Variants in NAV3 observed in about 807,000 individuals in gnomAD.
NAV3 encodes pore membrane and/or filament interacting like protein 1.
In NAV3, 87 loss-of-function variants were observed where a neutral mutation model predicts 244.7. The ratio of observed to expected loss-of-function variants is 0.36; its 90% confidence interval spans 0.30 to 0.42. NAV3 has a LOEUF of 0.42. NAV3 is among the 20% of genes least tolerant of loss of function. The probability of loss-of-function intolerance (pLI) is 1.00; values close to 1 mark genes in which losing one functional copy is unlikely to be tolerated. For missense variants in NAV3, 2,663 were observed against 2,893.3 expected, an observed-to-expected ratio of 0.92 and a Z score of 1.83; for synonymous variants, 1,126 against 1,042.2, an observed-to-expected ratio of 1.08 and a Z score of -1.55.
chr12:77,737,178 A>G lies in NAV3; in HGVS notation c.72+164912A>G, dbSNP rs527759942. ...TTGATGTTTCTGTTGGTGTTCAGGT[A>G]GAACTATGTAGGAGTCAGATGGTTA... is the stretch of plus-strand genomic sequence containing the variant. On this transcript the variant is annotated intron_variant, in intron 2 of 8. Transcript: ENST00000550042. Among the ~76,000 whole-genome samples the G allele has an allele frequency of 1.0e-4, 15 of 150,426 alleles. No individual in the cohort carries two copies. The East Asian group carries it at 2.9e-3, about 29-fold the overall frequency.
At chr12:78,206,854 C>CTTTTTTTTTTTTTTTTTTTTTTTTA (rs10594185) in intron 39 of NAV3, among the ~76,000 whole-genome samples, 1 of 114,840 alleles carries the variant, frequency 8.7e-6, no homozygotes, top group Non-Finnish European at 1.8e-5. Context: ...TTCTTTCTTA[C>CTTTTTTTTTTTTTTTTTTTTTTTTA]TTTTTTTTTT....
chr12:77,689,189 C>T (rs1371572507), intron 2 of NAV3, among the ~76,000 whole-genome samples: 1 of 151,894 alleles, frequency 6.6e-6, no homozygotes, highest in Non-Finnish European at 1.5e-5. Flanking sequence ...TGCCTCTTTT[C>T]CAGAGCAAAA....
intron 2 of NAV3, among the ~76,000 whole-genome samples, chr12:77,575,522 G>C (rs1179908662): frequency 6.6e-6 from 1 of 152,066 alleles, no homozygotes; most frequent in Non-Finnish European, 1.5e-5. Context: ...TTGATAACAT[G>C]ACTTTTTGAC....
At chr12:78,146,091 TAG>T (rs1956851750) in intron 20 of NAV3, among the ~76,000 whole-genome samples, 2 of 152,132 alleles carry the variant, frequency 1.3e-5, no homozygotes, top group South Asian at 4.1e-4. Context: ...ATTTACATCT[TAG>T]AGTCTTTTAA....
At chr12:78,106,416 G>A (rs1449560531) in intron 12 of NAV3, among the ~76,000 whole-genome samples, 1 of 152,094 alleles carries the variant, frequency 6.6e-6, no homozygotes, top group Non-Finnish European at 1.5e-5. Context: ...ATAAATGAAA[G>A]AAGACCAATA....
chr12:77,974,569 A>T (rs561249400), intron 5 of NAV3, among the ~76,000 whole-genome samples: 1 of 152,076 alleles, frequency 6.6e-6, no homozygotes, highest in South Asian at 2.1e-4. Flanking sequence ...AAGTGCTGGG[A>T]TTATAGGCCT....
intron 9 of NAV3, among the ~76,000 whole-genome samples, chr12:78,049,156 C>T (rs910404866): frequency 6.6e-6 from 1 of 152,212 alleles, no homozygotes; most frequent in African/African-American, 2.4e-5. Flanking sequence ...TTGCTGGGCT[C>T]CACAGGGGTG....
intron 22 of NAV3, among the ~76,000 whole-genome samples, chr12:78,154,256 T>TAATATATAGTATATATTACTAG (rs1555182963): frequency 1.4e-4 from 18 of 128,414 alleles, no homozygotes; most frequent in South Asian, 4.5e-4. Flanking sequence ...TATATTACTA[T>TAATATATAGTATATATTACTAG]ATAATATATA....
At chr12:77,631,434 C>T (rs1871891863) in intron 2 of NAV3, among the ~76,000 whole-genome samples, 1 of 151,574 alleles carries the variant, frequency 6.6e-6, no homozygotes, top group East Asian at 1.9e-4. Context: ...GTAAAATGTC[C>T]CTGGAAAGCA....
At chr12:77,663,162 T>C (rs1873544593) in intron 2 of NAV3, among the ~76,000 whole-genome samples, 3 of 152,234 alleles carry the variant, frequency 2.0e-5, no homozygotes, top group Non-Finnish European at 4.4e-5. Context: ...ATCTCACACT[T>C]AACTAGGAGA....
At chr12:77,846,720 A>G (rs1367748749) in intron 1 of NAV3, among the ~76,000 whole-genome samples, 4 of 152,182 alleles carry the variant, frequency 2.6e-5, no homozygotes, top group Non-Finnish European at 5.9e-5. Context: ...TCAATTATCT[A>G]TTTCAGATTT....
rs188373256 is a variant in NAV3 at position 77,867,647 on chromosome 12, C to G, written c.243+35943C>G. On this transcript the variant is annotated intron_variant, in intron 1 of 39. Transcript: ENST00000397909. ...GTGTTAGCCAGGATGGTCTCGATCT[C>G]CTGACCTTGTCATCCACCAGCCTCG... Among the ~76,000 whole-genome samples, 161 of 152,236 alleles carry G rather than the reference C, an allele frequency of 1.1e-3. 1 individual carries two copies. The Middle Eastern group carries it at 0.021, about 19-fold the overall frequency.
At chr12:77,982,568 G>A (rs559555795) in intron 5 of NAV3, among the ~76,000 whole-genome samples, 7 of 152,170 alleles carry the variant, frequency 4.6e-5, no homozygotes, top group African/African-American at 7.2e-5. Flanking sequence ...ATTTGGCTGA[G>A]GAGAAAGTTA....
intron 12 of NAV3, among the ~76,000 whole-genome samples, chr12:78,090,843 A>G (rs1386474212): frequency 2.0e-5 from 3 of 152,104 alleles, no homozygotes; most frequent in Admixed American, 6.6e-5. Flanking sequence ...AAAATTCCGT[A>G]ACAGTCTTTT....
At chr12:78,016,300 T>C (rs183023466) in intron 8 of NAV3, among the ~76,000 whole-genome samples, 1 of 152,238 alleles carries the variant, frequency 6.6e-6, no homozygotes, top group African/African-American at 2.4e-5. Context: ...ATTTTGATAT[T>C]ATATATATGC....
intron 8 of NAV3, among the ~76,000 whole-genome samples, chr12:78,009,279 TAAC>T (rs1428536640): frequency 5.3e-5 from 8 of 151,888 alleles, no homozygotes; most frequent in Admixed American, 1.3e-4. Flanking sequence ...TTGACCTCTT[TAAC>T]AACAAGACTA....
intron 5 of NAV3, among the ~76,000 whole-genome samples, chr12:77,969,259 G>C (rs1892791768): frequency 6.6e-6 from 1 of 151,872 alleles, no homozygotes; most frequent in Non-Finnish European, 1.5e-5. Context: ...CAGCCTGGTG[G>C]AGTGCTCCCA....
In NAV3 at chr12:77,880,363, A is replaced by G. The variant is rs148936703; in HGVS notation, c.243+48659A>G. ...CAGGAAAATGGACAATTTTGTTAGC[A>G]TACAGTAACTTCATAGAGGCTCTAT... On this transcript the variant is annotated intron_variant, in intron 1 of 39. Transcript: ENST00000397909. Among the ~76,000 whole-genome samples, 482 of 152,292 alleles carry G rather than the reference A, an allele frequency of 3.2e-3. 3 individuals are homozygous for G. The highest frequency in any genetic ancestry group is 0.011 in the African/African-American group (441 of 41,570).
In NAV3 at chr12:77,741,148, C is replaced by CAAAAAAAAAA; in HGVS notation, c.72+168891_72+168900dup. Among the ~76,000 whole-genome samples the CAAAAAAAAAA allele has an allele frequency of 1.7e-3, 119 of 68,592 alleles. 1 individual carries two copies. Among genetic ancestry groups the CAAAAAAAAAA allele is most frequent in the South Asian group, 3.3e-3 (5 of 1,526 alleles). The allele number at this position is 68,592 out of a possible 152,430, so 45.0% of individuals were successfully genotyped here. Reference sequence around the variant, plus strand: ...GAAATAGTCAAAGAAAAAAAAAAGACAAAAAAAAAAAAAAAAAAGAAAAGA... The same window carrying CAAAAAAAAAA: ...GAAATAGTCAAAGAAAAAAAAAAGACAAAAAAAAAAAAAAAAAAAAAAAAAAAAGAAAAGA... On this transcript the variant is annotated intron_variant, in intron 2 of 8. Transcript: ENST00000550042.
Sources: allele counts gnomAD v4.1 joint callset (sites outside exome capture counted in the v4.1 genomes callset), GRCh38; gene constraint gnomAD v4.1.1; transcripts MANE v1.5; gene names NCBI Gene and HGNC (gene_info 2026-07-23, HGNC 2026-07-21).